Variants in WNT1 observed in about 807,000 individuals in gnomAD.
WNT1 encodes Wnt family member 1.
A neutral mutation model predicts 21.3 loss-of-function variants in WNT1; 10 were observed. The observed-to-expected ratio is 0.47, with a 90% confidence interval of 0.29 to 0.80. WNT1 has a LOEUF of 0.80. Ranked by LOEUF, WNT1 falls within the 30% of genes least tolerant of loss-of-function variation. The pLI, the probability that WNT1 is intolerant of heterozygous loss-of-function variation, is 0.09. For missense variants in WNT1, 476 were observed against 534.1 expected, an observed-to-expected ratio of 0.89 and a Z score of 1.07; for synonymous variants, 208 against 236.3, an observed-to-expected ratio of 0.88 and a Z score of 1.10.
At position 48,980,811 on chromosome 12, in the gene WNT1, G is replaced by A; in HGVS notation, c.624+122G>A. The A allele has an allele frequency of 7.0e-7, 1 of 1,422,506 alleles. No individual in the cohort carries two copies. The highest frequency in any genetic ancestry group is 1.5e-5 in the South Asian group (1 of 66,082). 88.1% of individuals were successfully genotyped at this position (1,422,506 alleles called of 1,614,324 possible). On this transcript the variant is annotated intron_variant, in intron 3 of 3. Coordinates refer to ENST00000293549, the MANE Select transcript of WNT1 (RefSeq NM_005430.4). The surrounding 1 kb of genome is among the most constrained non-coding windows in gnomAD (Gnocchi z 7.0). ...GAGAGGGCGTCCTGGGAGAGCCGGA[G>A]GCTTGGAACGAAGACGGAGAATAGA...
rs1592258348 is a variant in WNT1 at position 48,981,998 on chromosome 12, C to A, written c.*358C>A. ...GTGTCATTCTGCCTGCTCCATCGCG[C>A]CAGCGACCTCTCTGCCTCTCTTCTT... On this transcript the variant is annotated 3_prime_UTR_variant, in exon 4 of 4. Transcript: ENST00000293549. The surrounding 1 kb of genome is among the most constrained non-coding windows in gnomAD (Gnocchi z 7.4). Among the ~76,000 whole-genome samples, 4 of 152,160 alleles carry A rather than the reference C, an allele frequency of 2.6e-5. No individual in the cohort carries two copies.
Position 48,980,468 on chromosome 12 carries a change from G to A in WNT1, c.403G>A (p.Val135Ile), listed in dbSNP as rs762209537. ...TATCTTCGCTATCACCTCCGCCGGG[G>A]TCACCCATTCGGTGGCGCGCTCCTG... is the stretch of plus-strand genomic sequence containing the variant. ...AFIFAITSAG[V>I]THSVARSCSE... Residue 135 changes from valine (V) to isoleucine (I), a missense_variant, in exon 3 of 4, where the codon GTC becomes ATC. Coordinates refer to ENST00000293549, the MANE Select transcript of WNT1 (RefSeq NM_005430.4). This position sits in a 1 kb window ranked among gnomAD's most constrained non-coding sequence, Gnocchi z 7.0. 3.0e-5 allele frequency: 49 copies of A among 1,614,092 alleles called. No homozygotes were observed. In the East Asian group the frequency reaches 8.7e-4, roughly 29 times the overall value.
Position 48,981,735 on chromosome 12 carries a change from G to C in WNT1, c.*95G>C. 1 of 1,386,860 alleles carries C rather than the reference G, an allele frequency of 7.2e-7. No individual in the cohort carries two copies. The highest frequency in any genetic ancestry group is 9.3e-7 in the Non-Finnish European group (1 of 1,071,644). 85.9% of individuals were successfully genotyped at this position (1,386,860 alleles called of 1,614,324 possible). ...AAGACCCGGTTATTCGCCCACCCGA[G>C]TACCTCCAGTCACACTCCCCGCGGT... On this transcript the variant is annotated 3_prime_UTR_variant, in exon 4 of 4. Transcript: ENST00000293549. The surrounding 1 kb of genome is among the most constrained non-coding windows in gnomAD (Gnocchi z 7.4).
rs1336766502 is a variant in WNT1, at chr12:48,982,338, G to A, written c.*698G>A. On this transcript the variant is annotated 3_prime_UTR_variant, in exon 4 of 4. Transcript: ENST00000293549. Reference sequence around the variant, plus strand: ...GTGTGTAAATAATTTGCACTGAAACGTGGATACAGAGCCACGAGTTTGGAT... The same window carrying A: ...GTGTGTAAATAATTTGCACTGAAACATGGATACAGAGCCACGAGTTTGGAT... 2.0e-5 allele frequency among the ~76,000 whole-genome samples: 3 copies of A among 152,082 alleles called. No individual in the cohort carries two copies. The highest frequency in any genetic ancestry group is 2.9e-5 in the Non-Finnish European group (2 of 68,016).
At position 48,978,544 on chromosome 12, in the gene WNT1, C is replaced by A; in HGVS notation, c.-107C>A. 1.2e-6 allele frequency: 1 copy of A among 816,446 alleles called. No homozygotes were observed. 50.6% of individuals were successfully genotyped at this position (816,446 alleles called of 1,614,324 possible). ...CGCCCCCAGGGTTGTTAAAGCCAGA[C>A]TGCGAACTCTCGCCACTGCCGCCAC... On this transcript the variant is annotated 5_prime_UTR_variant, in exon 1 of 4. In the 5' UTR this introduces an upstream ATG that the reference lacks. Coordinates refer to ENST00000293549, the MANE Select transcript of WNT1 (RefSeq NM_005430.4). The surrounding 1 kb of genome is among the most constrained non-coding windows in gnomAD (Gnocchi z 7.4).
Position 48,979,534 on chromosome 12 carries a change from C to T in WNT1, c.171C>T (p.Leu57=), listed in dbSNP as rs770381881. 8 of 1,613,910 alleles carry T rather than the reference C, an allele frequency of 5.0e-6. No individual in the cohort carries two copies. The highest frequency in any genetic ancestry group is 6.8e-6 in the Non-Finnish European group (8 of 1,180,040). ...LTDSKSLQLV[L]EPSLQLLSRK... ...ACTCCAAGAGTCTGCAACTGGTACT[C>T]GAGCCCAGTCTGCAGCTGTTGAGCC... Residue 57 remains leucine, a synonymous_variant, in exon 2 of 4, where the codon CTC becomes CTT. Transcript: ENST00000293549. This position sits in a 1 kb window ranked among gnomAD's most constrained non-coding sequence, Gnocchi z 6.0.
In WNT1 at chr12:48,980,324, G is replaced by T; in HGVS notation, c.359-100G>T. On this transcript the variant is annotated intron_variant, in intron 2 of 3. Coordinates refer to ENST00000293549, the MANE Select transcript of WNT1 (RefSeq NM_005430.4). This position sits in a 1 kb window ranked among gnomAD's most constrained non-coding sequence, Gnocchi z 7.0. ...CCGGCCCTGGCTCTCAGGACTCAAA[G>T]TGCGGAGTCGGGGGTGGGATTCCGG... is the stretch of plus-strand genomic sequence containing the variant. 1 of 1,382,700 alleles carries T rather than the reference G, an allele frequency of 7.2e-7. No homozygotes were observed. Among genetic ancestry groups the T allele is most frequent in the Non-Finnish European group, 1.0e-6 (1 of 996,240 alleles). The allele number at this position is 1,382,700 out of a possible 1,614,324, so 85.7% of individuals were successfully genotyped here.
At position 48,981,685 on chromosome 12, in the gene WNT1, C is replaced by G; in HGVS notation, c.*45C>G. ...CCCAGGAACGCTCTCCTCGAGCCCTCCCCCAAACAGACTCGCTAGCACTCA... is the reference window on the plus strand; with the variant it reads ...CCCAGGAACGCTCTCCTCGAGCCCTGCCCCAAACAGACTCGCTAGCACTCA... On this transcript the variant is annotated 3_prime_UTR_variant, in exon 4 of 4. Coordinates refer to ENST00000293549, the MANE Select transcript of WNT1 (RefSeq NM_005430.4). This position sits in a 1 kb window ranked among gnomAD's most constrained non-coding sequence, Gnocchi z 7.4. The G allele has an allele frequency of 1.4e-6, 2 of 1,418,868 alleles. No homozygotes were observed. The highest frequency in any genetic ancestry group is 2.7e-5 in the East Asian group (1 of 36,836). 87.9% of individuals were successfully genotyped at this position (1,418,868 alleles called of 1,614,324 possible).
Position 48,980,372 on chromosome 12 carries a change from C to G in WNT1, c.359-52C>G. On this transcript the variant is annotated intron_variant, in intron 2 of 3. Coordinates refer to ENST00000293549, the MANE Select transcript of WNT1 (RefSeq NM_005430.4). This position sits in a 1 kb window ranked among gnomAD's most constrained non-coding sequence, Gnocchi z 7.0. ...CGGTCCCAAGCCCTTCATGAGGGTG[C>G]TGGCCGCGCCCCGCGTACCCCCTCG... 3 of 1,606,522 alleles carry G rather than the reference C, an allele frequency of 1.9e-6. No individual in the cohort carries two copies. The highest frequency in any genetic ancestry group is 2.6e-6 in the Non-Finnish European group (3 of 1,174,576).
Position 48,979,498 on chromosome 12 carries a change from C to A in WNT1, c.135C>A (p.Asn45Lys). ...WGIVNVASST[N>K]LLTDSKSLQL... ...TTGTGAACGTAGCCTCCTCCACGAA[C>A]CTGCTTACAGACTCCAAGAGTCTGC... Residue 45 changes from asparagine to lysine, a missense_variant, in exon 2 of 4, where the codon AAC becomes AAA. By Grantham distance (94) the Asn-to-Lys change is moderately conservative. Coordinates refer to ENST00000293549, the MANE Select transcript of WNT1 (RefSeq NM_005430.4). This position sits in a 1 kb window ranked among gnomAD's most constrained non-coding sequence, Gnocchi z 6.0. 6.2e-7 allele frequency: 1 copy of A among 1,612,774 alleles called. No homozygotes were observed. The highest frequency in any genetic ancestry group is 8.5e-7 in the Non-Finnish European group (1 of 1,179,120).
In WNT1 at chr12:48,981,421, C is replaced by G; in HGVS notation, c.894C>G (p.Phe298Leu). ...DLVYFEKSPN[F>L]CTYSGRLGTA... is the part of the protein sequence containing the mutation. ...TCTACTTCGAGAAATCGCCCAACTT[C>G]TGCACGTACAGCGGACGCCTGGGCA... The change falls in exon 4 of 4, where the codon TTC (phenylalanine) becomes TTG (leucine). Residue 298 changes from phenylalanine (F) to leucine (L), a missense_variant. By Grantham distance (22) the Phe-to-Leu change is conservative (BLOSUM62 0). Coordinates refer to ENST00000293549, the MANE Select transcript of WNT1 (RefSeq NM_005430.4). This position sits in a 1 kb window ranked among gnomAD's most constrained non-coding sequence, Gnocchi z 7.4. The G allele has an allele frequency of 6.3e-7, 1 of 1,577,718 alleles. No individual in the cohort carries two copies.
At position 48,979,764 on chromosome 12, in the gene WNT1, G is replaced by A. The variant is rs1565721222; in HGVS notation, c.358+43G>A. ...CGACGCTTCCGGGAGCAGGGGAAACGCGGGGTCACCCCCAGGGCATGGGCG... is the reference window on the plus strand; with the variant it reads ...CGACGCTTCCGGGAGCAGGGGAAACACGGGGTCACCCCCAGGGCATGGGCG... On this transcript the variant is annotated intron_variant, in intron 2 of 3. Coordinates refer to ENST00000293549, the MANE Select transcript of WNT1 (RefSeq NM_005430.4). This position sits in a 1 kb window ranked among gnomAD's most constrained non-coding sequence, Gnocchi z 6.0. 3 of 1,540,602 alleles carry A rather than the reference G, an allele frequency of 1.9e-6. No individual in the cohort carries two copies. In the African/African-American group the frequency reaches 4.1e-5, roughly 21 times the overall value.
Position 48,978,627 on chromosome 12 carries a change from A to G in WNT1, c.-24A>G, listed in dbSNP as rs1381719298. The G allele has an allele frequency of 1.1e-5, 17 of 1,552,322 alleles. No individual in the cohort carries two copies. The Admixed American group carries it at 1.1e-4, about 10-fold the overall frequency. On this transcript the variant is annotated 5_prime_UTR_variant, in exon 1 of 4. Transcript: ENST00000293549. The surrounding 1 kb of genome is among the most constrained non-coding windows in gnomAD (Gnocchi z 7.4). ...ACCAAAGTCGCCGCAACTGCAGCACAGAGCGGGCAAAGCCAGGCAGGCCAT... is the reference window on the plus strand; with the variant it reads ...ACCAAAGTCGCCGCAACTGCAGCACGGAGCGGGCAAAGCCAGGCAGGCCAT...
In WNT1 at chr12:48,979,332, C is replaced by A. The variant is rs776793144; in HGVS notation, c.105-136C>A. 8 of 1,201,950 alleles carry A rather than the reference C, an allele frequency of 6.7e-6. No homozygotes were observed. The highest frequency in any genetic ancestry group is 1.5e-5 in the South Asian group (1 of 65,558). 74.5% of individuals were successfully genotyped at this position (1,201,950 alleles called of 1,614,324 possible). ...GCCCAGTTCTTTCAAATTAGTGAGC[C>A]TGGGAGAGCGGGTATTATTAATCTC... On this transcript the variant is annotated intron_variant, in intron 1 of 3. Coordinates refer to ENST00000293549, the MANE Select transcript of WNT1 (RefSeq NM_005430.4). This position sits in a 1 kb window ranked among gnomAD's most constrained non-coding sequence, Gnocchi z 6.0.
Position 48,981,477 on chromosome 12 carries a change from G to A in WNT1, c.950G>A (p.Ser317Asn). 1 of 1,554,910 alleles carries A rather than the reference G, an allele frequency of 6.4e-7. No homozygotes were observed. Among genetic ancestry groups the A allele is most frequent in the South Asian group, 1.2e-5 (1 of 84,544 alleles). The change falls in exon 4 of 4, where the codon AGC (serine) becomes AAC (asparagine). Residue 317 changes from serine to asparagine, a missense_variant. By Grantham distance (46) the Ser-to-Asn change is conservative. Coordinates refer to ENST00000293549, the MANE Select transcript of WNT1 (RefSeq NM_005430.4). The surrounding 1 kb of genome is among the most constrained non-coding windows in gnomAD (Gnocchi z 7.4). The stretch of plus-strand genomic sequence containing the variant: ...GGCACGGCAGGGCGCGCCTGTAACA[G>A]CTCGTCGCCCGCGCTGGACGGCTGC... ...TAGTAGRACN[S>N]SSPALDGCEL...
In WNT1 at chr12:48,982,189, T is replaced by C. The variant is rs758090365; in HGVS notation, c.*549T>C. 6.6e-6 allele frequency among the ~76,000 whole-genome samples: 1 copy of C among 152,072 alleles called. No individual in the cohort carries two copies. Among genetic ancestry groups the C allele is most frequent in the Non-Finnish European group, 1.5e-5 (1 of 67,996 alleles). On this transcript the variant is annotated 3_prime_UTR_variant, in exon 4 of 4. Transcript: ENST00000293549. ...AAGGGCAGCTGTGATGATGTGGAAATGAGGTTGGGGGAACCAGCAGAAATG... is the reference window on the plus strand; with the variant it reads ...AAGGGCAGCTGTGATGATGTGGAAACGAGGTTGGGGGAACCAGCAGAAATG...
chr12:48,981,825 C>A lies in WNT1; in HGVS notation c.*185C>A. 1 of 847,874 alleles carries A rather than the reference C, an allele frequency of 1.2e-6. No homozygotes were observed. The highest frequency in any genetic ancestry group is 1.7e-6 in the Non-Finnish European group (1 of 594,414). 52.5% of individuals were successfully genotyped at this position (847,874 alleles called of 1,614,324 possible). ...GACTCCTCAAACCACTTGCCTGGGG[C>A]GGCATGAACCCTCTTGCCATCCTGA... On this transcript the variant is annotated 3_prime_UTR_variant, in exon 4 of 4. Transcript: ENST00000293549. The surrounding 1 kb of genome is among the most constrained non-coding windows in gnomAD (Gnocchi z 7.4).
In WNT1 at chr12:48,978,374, C is replaced by A. The variant is rs1236552428; in HGVS notation, c.-277C>A. Reference sequence around the variant, plus strand: ...GCTGCCCATTGTCTGCGCCCCTAACCGGTGCGCCCTGGTGCCACAGTGCGG... The same window carrying A: ...GCTGCCCATTGTCTGCGCCCCTAACAGGTGCGCCCTGGTGCCACAGTGCGG... On this transcript the variant is annotated 5_prime_UTR_variant, in exon 1 of 4. Coordinates refer to ENST00000293549, the MANE Select transcript of WNT1 (RefSeq NM_005430.4). The surrounding 1 kb of genome is among the most constrained non-coding windows in gnomAD (Gnocchi z 7.4). 2.0e-6 allele frequency: 1 copy of A among 506,150 alleles called. No homozygotes were observed. The highest frequency in any genetic ancestry group is 3.5e-6 in the Non-Finnish European group (1 of 283,546). 31.4% of individuals were successfully genotyped at this position (506,150 alleles called of 1,614,324 possible).
In WNT1 at chr12:48,980,776, G is replaced by T; in HGVS notation, c.624+87G>T. On this transcript the variant is annotated intron_variant, in intron 3 of 3. Transcript: ENST00000293549. This position sits in a 1 kb window ranked among gnomAD's most constrained non-coding sequence, Gnocchi z 7.0. ...AGTGACGGTCGGTGAGATAAGGCAAGGGGCACCAGGAGAGGGCGTCCTGGG... is the reference window on the plus strand; with the variant it reads ...AGTGACGGTCGGTGAGATAAGGCAATGGGCACCAGGAGAGGGCGTCCTGGG... 1 of 1,458,240 alleles carries T rather than the reference G, an allele frequency of 6.9e-7. No homozygotes were observed. Among genetic ancestry groups the T allele is most frequent in the Non-Finnish European group, 9.1e-7 (1 of 1,104,688 alleles). 90.3% of individuals were successfully genotyped at this position (1,458,240 alleles called of 1,614,324 possible). A position where few individuals can be genotyped will look rare whatever the true frequency, so the allele number is the denominator to read the frequency against.
Sources: allele counts gnomAD v4.1 joint callset (sites outside exome capture counted in the v4.1 genomes callset), GRCh38; gene constraint gnomAD v4.1.1; non-coding constraint Gnocchi (gnomAD v3.1); transcripts MANE v1.5; gene names NCBI Gene and HGNC (gene_info 2026-07-23, HGNC 2026-07-21).